Variants in ZMYM4 observed in about 807,000 individuals in gnomAD.
ZMYM4 encodes zinc finger MYM-type protein 4.
ZMYM4 carries 31 observed loss-of-function variants against 183.2 expected under a neutral mutation model. The observed-to-expected ratio is 0.17, with a 90% CI of 0.13 to 0.23. The LOEUF (loss-of-function observed/expected upper bound fraction) is 0.23. Among genes scored for constraint, ZMYM4 ranks in the 10% least tolerant of loss-of-function variants. The probability of loss-of-function intolerance (pLI) is 1.00; values close to 1 mark genes in which losing one functional copy is unlikely to be tolerated. For synonymous variants in ZMYM4, 592 were observed against 631.2 expected (o/e 0.94, Z 0.93); for missense variants, 1,273 against 1,840.3 (o/e 0.69, Z 5.64).
rs1402006688 is a variant in ZMYM4 at position 35,381,530 on chromosome 1, G to A, written c.1357-16G>A. On this transcript the variant is annotated splice_polypyrimidine_tract_variant and intron_variant, in intron 8 of 29. Coordinates refer to ENST00000314607, the MANE Select transcript of ZMYM4 (RefSeq NM_005095.3). ...CTCTGCTCCTTGTTTTTGTGTTGCT[G>A]TTATTTAATTTCTAGATTCGACATG... is the stretch of plus-strand genomic sequence containing the variant. 8 of 1,613,954 alleles carry A rather than the reference G, an allele frequency of 5.0e-6. No homozygotes were observed. The highest frequency in any genetic ancestry group is 1.1e-5 in the South Asian group (1 of 91,060).
intron 2 of ZMYM4, among the ~76,000 whole-genome samples, chr1:35,349,248 T>TA (rs1162707973): frequency 3.9e-5 from 6 of 152,080 alleles, no homozygotes; most frequent in African/African-American, 1.2e-4. Context: ...TCAGCCTCCC[T>TA]AAGTGCTGGG....
At position 35,398,846 on chromosome 1, in the gene ZMYM4, G is replaced by T; in HGVS notation, c.3254-18G>T. 6.2e-7 allele frequency: 1 copy of T among 1,609,914 alleles called. No individual in the cohort carries two copies. ...GCTATTTTATTTTGAGGGCTTAATT[G>T]TTATCTATATATTTCAGACCAAGGA... On this transcript the variant is annotated intron_variant, in intron 21 of 29. Transcript: ENST00000314607.
chr1:35,414,890 T>TA (rs1241098497), intron 27 of ZMYM4, among the ~76,000 whole-genome samples: 7 of 151,170 alleles, frequency 4.6e-5, no homozygotes, highest in East Asian at 3.9e-4. Flanking sequence ...CTACAAAAAA[T>TA]AAAAAAAATT....
chr1:35,397,609 A>G (rs1228846903), intron 20 of ZMYM4, 64 bp downstream of exon 20: 6 of 1,396,052 alleles, frequency 4.3e-6, no homozygotes, highest in East Asian at 4.9e-5. Context: ...AGGTGACTCA[A>G]GTAATTTTAA....
chr1:35,376,683 C>G (rs1044590016), intron 7 of ZMYM4, among the ~76,000 whole-genome samples: 2 of 151,752 alleles, frequency 1.3e-5, no homozygotes, highest in African/African-American at 4.8e-5. Flanking sequence ...GCCACCATGC[C>G]CAGCTAATTT....
chr1:35,378,846 T>C (rs953670817), intron 7 of ZMYM4, among the ~76,000 whole-genome samples: 5 of 152,256 alleles, frequency 3.3e-5, no homozygotes, highest in Admixed American at 6.5e-5. Flanking sequence ...TTGCTACTGC[T>C]TCTCCATCAG....
At chr1:35,319,336 T>C (rs924877782) in intron 1 of ZMYM4, among the ~76,000 whole-genome samples, 1 of 152,056 alleles carries the variant, frequency 6.6e-6, no homozygotes, top group Non-Finnish European at 1.5e-5. Context: ...ATAAAAAATA[T>C]AATATCGCTG....
intron 1 of ZMYM4, among the ~76,000 whole-genome samples, chr1:35,285,253 A>G (rs1640420848): frequency 6.6e-6 from 1 of 152,148 alleles, no homozygotes; most frequent in African/African-American, 2.4e-5. Flanking sequence ...TTGAATTTGT[A>G]AATCAAGGGT....
intron 18 of ZMYM4, 61 bp downstream of exon 18, chr1:35,393,800 C>T: frequency 6.7e-7 from 1 of 1,494,442 alleles, no homozygotes. Context: ...GTAGGATCTA[C>T]TTACATTGAG....
chr1:35,391,216 G>A (rs1644698364), intron 15 of ZMYM4, among the ~76,000 whole-genome samples: 1 of 152,160 alleles, frequency 6.6e-6, no homozygotes, highest in African/African-American at 2.4e-5. Flanking sequence ...CTGCAAAGAC[G>A]CAGCGGCTTG....
rs1477811436 is a variant in ZMYM4 at position 35,340,834 on chromosome 1, A to G, written c.85+15429A>G. Among the ~76,000 whole-genome samples the G allele has an allele frequency of 2.2e-4, 34 of 152,072 alleles. 1 individual carries two copies. The highest frequency in any genetic ancestry group is 2.2e-3 in the Admixed American group (34 of 15,246). On this transcript the variant is annotated intron_variant, in intron 2 of 29. Coordinates refer to ENST00000314607, the MANE Select transcript of ZMYM4 (RefSeq NM_005095.3). ...GGACTGGTACTGGTCTGTGGCCTGGAGTTTGGGTACCCCTGCTATAAAGGA... is the reference window on the plus strand; with the variant it reads ...GGACTGGTACTGGTCTGTGGCCTGGGGTTTGGGTACCCCTGCTATAAAGGA...
chr1:35,377,573 T>C (rs931947854), intron 7 of ZMYM4, among the ~76,000 whole-genome samples: 1 of 152,242 alleles, frequency 6.6e-6, no homozygotes, highest in Non-Finnish European at 1.5e-5. Context: ...GTGAGTGATA[T>C]TAATTTTTTG....
intron 1 of ZMYM4, among the ~76,000 whole-genome samples, chr1:35,280,125 T>A (rs966516641): frequency 1.3e-5 from 2 of 151,878 alleles, no homozygotes; most frequent in Non-Finnish European, 2.9e-5. Context: ...TTCTTTTCTT[T>A]CTTTGTCTCT....
chr1:35,352,424 A>ACACG (rs1643662500), intron 2 of ZMYM4, among the ~76,000 whole-genome samples: 1 of 150,716 alleles, frequency 6.6e-6, no homozygotes, highest in African/African-American at 2.5e-5. Context: ...ACACACACAC[A>ACACG]GCCAAAGTCC....
intron 1 of ZMYM4, among the ~76,000 whole-genome samples, chr1:35,313,127 C>T (rs1227673444): frequency 6.6e-6 from 1 of 152,058 alleles, no homozygotes; most frequent in African/African-American, 2.4e-5. Context: ...CTCCTGACCT[C>T]AGGTGATCCA....
intron 7 of ZMYM4, among the ~76,000 whole-genome samples, chr1:35,380,545 C>G (rs1008326127): frequency 2.0e-5 from 3 of 152,134 alleles, no homozygotes; most frequent in Non-Finnish European, 2.9e-5. Context: ...CCAGGATGCT[C>G]TCGATCTCCT....
In ZMYM4 at chr1:35,385,468, G is replaced by A. The variant is rs574498869; in HGVS notation, c.1596G>A (p.Ala532=). The A allele has an allele frequency of 3.0e-4, 479 of 1,611,604 alleles. 5 individuals carry two copies. The South Asian group carries it at 4.6e-3, about 16-fold the overall frequency. ...KQKSAKITPC[A]LCKSLRSSAE... is the part of the protein sequence containing the mutation. ...AATCAGCCAAAATTACACCGTGTGC[G>A]CTTTGCAAATCATTGAGATCCTCAG... is the stretch of plus-strand genomic sequence containing the variant. Residue 532 remains alanine (A), a synonymous_variant, in exon 10 of 30, where the codon GCG becomes GCA. Transcript: ENST00000314607.
chr1:35,308,696 A>G (rs1641661101), intron 1 of ZMYM4, among the ~76,000 whole-genome samples: 2 of 152,108 alleles, frequency 1.3e-5, no homozygotes, highest in South Asian at 4.1e-4. Flanking sequence ...CCCTGTCTCT[A>G]CCAAAAATAC....
At chr1:35,367,435 G>A (rs1644112493) in intron 5 of ZMYM4, among the ~76,000 whole-genome samples, 2 of 151,802 alleles carry the variant, frequency 1.3e-5, no homozygotes, top group South Asian at 4.2e-4. Flanking sequence ...CACCATGTTG[G>A]CCAGGCTGGT....
Sources: allele counts gnomAD v4.1 joint callset (sites outside exome capture counted in the v4.1 genomes callset), GRCh38; gene constraint gnomAD v4.1.1; transcripts MANE v1.5; gene names NCBI Gene and HGNC (gene_info 2026-07-23, HGNC 2026-07-21).